Variants in EXOSC5 observed in about 807,000 individuals in gnomAD.
The protein encoded by EXOSC5 is exosome complex component RRP46.
Under a neutral mutation model 23.7 loss-of-function variants are expected in EXOSC5, and 15 were observed. The observed-to-expected ratio is 0.63, with a 90% CI of 0.42 to 0.97. The LOEUF is 0.97. EXOSC5 is among the 50% of genes least tolerant of loss of function. The pLI is 0.00. For missense variants in EXOSC5, 305 were observed against 316.3 expected, an observed-to-expected ratio of 0.96 and a Z score of 0.27; for synonymous variants, 143 against 140.9, an observed-to-expected ratio of 1.02 and a Z score of -0.11.
At chr19:41,387,111 A>C (rs1217969549) in intron 5 of EXOSC5, among the ~76,000 whole-genome samples, 2 of 152,132 alleles carry the variant, frequency 1.3e-5, no homozygotes, top group Non-Finnish European at 2.9e-5. Flanking sequence ...TGGAATCAAG[A>C]GACTCCCAGT....
chr19:41,387,426 C>T, intron 5 of EXOSC5, 88 bp downstream of exon 5: 1 of 1,061,258 alleles, frequency 9.4e-7, no homozygotes, highest in Non-Finnish European at 1.3e-6. Flanking sequence ...CTCCTGAAGC[C>T]TCTCAGAATC....
intron 3 of EXOSC5, among the ~76,000 whole-genome samples, chr19:41,390,833 T>C (rs1007025802): frequency 5.3e-5 from 8 of 152,206 alleles, no homozygotes; most frequent in Non-Finnish European, 5.9e-5. Context: ...TGGGCTTCAC[T>C]TTCCACTTCT....
At chr19:41,387,955 C>T (rs1289378102) in intron 4 of EXOSC5, among the ~76,000 whole-genome samples, 1 of 152,134 alleles carries the variant, frequency 6.6e-6, no homozygotes, top group Non-Finnish European at 1.5e-5. Flanking sequence ...GACCCTGTCT[C>T]AACGCTCCCC....
At position 41,386,520 on chromosome 19, in the gene EXOSC5, C is replaced by A; in HGVS notation, c.*113G>T. 1 of 1,044,904 alleles carries A rather than the reference C, an allele frequency of 9.6e-7. No homozygotes were observed. The highest frequency in any genetic ancestry group is 1.5e-5 in the South Asian group (1 of 65,224). 64.7% of individuals were successfully genotyped at this position (1,044,904 alleles called of 1,614,324 possible). A position where few individuals can be genotyped will look rare whatever the true frequency, so the allele number is the denominator to read the frequency against. The stretch of plus-strand genomic sequence containing the variant: ...CAGGAGCCCTGTGGTTACAGAGCTG[C>A]AGGCTCAAGGAGCCCATGGGTCAGA... On this transcript the variant is annotated 3_prime_UTR_variant, in exon 6 of 6. Coordinates refer to ENST00000221233, the MANE Select transcript of EXOSC5 (RefSeq NM_020158.4).
At chr19:41,388,160 T>C (rs1379233402) in intron 4 of EXOSC5, among the ~76,000 whole-genome samples, 4 of 152,214 alleles carry the variant, frequency 2.6e-5, no homozygotes, top group African/African-American at 9.7e-5. Context: ...CCATGCCCCT[T>C]ATTCCAACCA....
chr19:41,389,458 T>C (rs1350823821), intron 4 of EXOSC5, among the ~76,000 whole-genome samples: 3 of 151,720 alleles, frequency 2.0e-5, no homozygotes, highest in African/African-American at 7.3e-5. Context: ...AGAGATGGGG[T>C]TTCTCCATGT....
At chr19:41,386,896 C>A (rs2038989032) in intron 5 of EXOSC5, among the ~76,000 whole-genome samples, 171 bp from the exon 6 acceptor site, 1 of 152,138 alleles carries the variant, frequency 6.6e-6, no homozygotes, top group Non-Finnish European at 1.5e-5. Flanking sequence ...TGAACTGTTT[C>A]TTAGAGATCA....
intron 1 of EXOSC5, among the ~76,000 whole-genome samples, chr19:41,396,540 T>C (rs1031645316): frequency 6.6e-6 from 1 of 152,028 alleles, no homozygotes; most frequent in East Asian, 1.9e-4. Context: ...AGAAATATTC[T>C]TGGAGTTAAT....
intron 3 of EXOSC5, 109 bp downstream of exon 3, chr19:41,391,732 C>T: frequency 7.3e-7 from 1 of 1,378,800 alleles, no homozygotes; most frequent in Non-Finnish European, 9.5e-7. Context: ...TGAGCTGGTA[C>T]CTGTCAAGTG....
chr19:41,387,754 CAAG>C (rs2038994874), intron 4 of EXOSC5, 151 bp from the exon 5 acceptor site: 1 of 322,778 alleles, frequency 3.1e-6, no homozygotes, highest in South Asian at 9.8e-5. Context: ...GCCAGAAACT[CAAG>C]ACCAATCTGG....
intron 1 of EXOSC5, among the ~76,000 whole-genome samples, chr19:41,396,257 T>C (rs1051910760): frequency 1.3e-5 from 2 of 152,022 alleles, no homozygotes; most frequent in Non-Finnish European, 1.5e-5. Flanking sequence ...TCGCTCACGC[T>C]GGAGTACAAT....
At position 41,386,717 on chromosome 19, in the gene EXOSC5, C is replaced by CT. The variant is rs2038987432; in HGVS notation, c.623dup (p.Cys209ValfsTer59). 2 of 1,590,768 alleles carry CT rather than the reference C, an allele frequency of 1.3e-6. No individual in the cohort carries two copies. Among genetic ancestry groups the CT allele is most frequent in the Non-Finnish European group, 1.7e-6 (2 of 1,170,762 alleles). On this transcript the variant is annotated frameshift_variant, in exon 6 of 6. Transcript: ENST00000221233. LOFTEE classifies it high-confidence loss of function. The stretch of plus-strand genomic sequence containing the variant: ...AAGCGGCCTGGGCCGCAGCCAGGCA[C>CT]TGCTGGAGCTGCGGGGGAGAGACTG...
At chr19:41,388,092 T>C (rs2038997882) in intron 4 of EXOSC5, among the ~76,000 whole-genome samples, 1 of 152,224 alleles carries the variant, frequency 6.6e-6, no homozygotes, top group Admixed American at 6.5e-5. Context: ...TTGTCTACGC[T>C]ACCCCTTCCC....
intron 1 of EXOSC5, among the ~76,000 whole-genome samples, chr19:41,393,688 T>A (rs1363469982): frequency 6.6e-6 from 1 of 151,936 alleles, no homozygotes; most frequent in African/African-American, 2.4e-5. Context: ...GCCTACTGAG[T>A]AGCTGGGATT....
In EXOSC5 at chr19:41,386,420, TC is replaced by T; in HGVS notation, c.*212del. 3.8e-6 allele frequency: 2 copies of T among 525,154 alleles called. No individual in the cohort carries two copies. Among genetic ancestry groups the T allele is most frequent in the Non-Finnish European group, 6.8e-6 (2 of 294,528 alleles). 32.5% of individuals were successfully genotyped at this position (525,154 alleles called of 1,614,324 possible). ...ATTCATCCATTCCATAAATGTGAGC[TC>T]CTTTGAATGTTATCCTTGCTGGGGG... On this transcript the variant is annotated 3_prime_UTR_variant, in exon 6 of 6. Transcript: ENST00000221233.
At chr19:41,392,061 G>C in intron 2 of EXOSC5, 99 bp from the exon 3 acceptor site, 1 of 1,492,262 alleles carries the variant, frequency 6.7e-7, no homozygotes, top group Non-Finnish European at 8.8e-7. Context: ...CACGGTCTCA[G>C]CCTGGGATGG....
intron 1 of EXOSC5, among the ~76,000 whole-genome samples, chr19:41,396,656 G>C (rs745354808): frequency 5.3e-5 from 5 of 94,674 alleles, no homozygotes; most frequent in South Asian, 7.6e-4. Context: ...CTAATCTTAG[G>C]GATATTTACT....
At chr19:41,392,531 C>T (rs2039030722) in intron 2 of EXOSC5, among the ~76,000 whole-genome samples, 1 of 151,928 alleles carries the variant, frequency 6.6e-6, no homozygotes, top group African/African-American at 2.4e-5. Flanking sequence ...TTGCAGTGAG[C>T]TGAGATCGTG....
chr19:41,388,231 C>T (rs921671214), intron 4 of EXOSC5, among the ~76,000 whole-genome samples: 3 of 152,258 alleles, frequency 2.0e-5, no homozygotes, highest in African/African-American at 7.2e-5. Flanking sequence ...AGCCATAGTG[C>T]CACTCACTTA....
Sources: gnomAD v4.1 joint callset for allele counts (sites outside exome capture counted in the v4.1 genomes callset) on GRCh38, gnomAD v4.1.1 for gene constraint, MANE v1.5 for transcripts, NCBI Gene and HGNC (gene_info 2026-07-23, HGNC 2026-07-21) for gene names.